The following SPACA7 variants were observed in gnomAD, a reference collection of about 807,000 sequenced individuals.
SPACA7 encodes the protein sperm acrosome associated 7, also known as sperm acrosome-associated protein 7.
Under a neutral mutation model 26.3 loss-of-function variants are expected in SPACA7, and 19 were observed. The observed-to-expected ratio is 0.72, with a 90% CI of 0.50 to 1.06. The LOEUF is 1.06. Ranked by LOEUF, SPACA7 falls within the 50% of genes least tolerant of loss-of-function variation. The pLI is 0.00. For synonymous variants in SPACA7, 84 were observed against 84.5 expected (o/e 0.99, Z 0.04); for missense variants, 211 against 229.9 (o/e 0.92, Z 0.53).
chr13:112,408,442 G>A (rs965123560), intron 5 of SPACA7, among the ~76,000 whole-genome samples: 2 of 152,050 alleles, frequency 1.3e-5, no homozygotes, highest in Non-Finnish European at 2.9e-5. Flanking sequence ...CCTGTTTGCA[G>A]ATGACATGAT....
chr13:112,404,978 C>CTTTT (rs373253878), intron 5 of SPACA7, among the ~76,000 whole-genome samples: 50 of 94,208 alleles, frequency 5.3e-4, no homozygotes, highest in East Asian at 1.5e-3. Context: ...GTATTCTCTT[C>CTTTT]TTTTTTTTTT....
At chr13:112,383,401 T>C (rs553553294) in intron 1 of SPACA7, among the ~76,000 whole-genome samples, 11 of 152,180 alleles carry the variant, frequency 7.2e-5, no homozygotes, top group African/African-American at 2.4e-4. Context: ...GAAAAACAAA[T>C]CATGATAGAA....
chr13:112,429,494 G>T (rs1043781320), intron 5 of SPACA7, among the ~76,000 whole-genome samples: 1 of 151,836 alleles, frequency 6.6e-6, no homozygotes, highest in East Asian at 1.9e-4. Flanking sequence ...GTATTAGCAT[G>T]TCTTATCTTT....
At chr13:112,402,100 A>G (rs1885685740) in intron 5 of SPACA7, among the ~76,000 whole-genome samples, 1 of 151,942 alleles carries the variant, frequency 6.6e-6, no homozygotes, top group South Asian at 2.1e-4. Context: ...TTTTATTGGG[A>G]TTGCTTTACA....
At position 112,434,507 on chromosome 13, in the gene SPACA7, G is replaced by C. The variant is rs148843465; in HGVS notation, c.546G>C (p.Gln182His). The C allele has an allele frequency of 5.0e-6, 8 of 1,610,754 alleles. No homozygotes were observed. In the African/African-American group the frequency reaches 1.1e-4, roughly 22 times the overall value. Residue 182 changes from glutamine (Q) to histidine (H), a missense_variant, in exon 7 of 7, where the codon CAG becomes CAC. Physicochemically the swap from Gln to His is conservative, Grantham distance 24. Transcript: ENST00000283550. ...RSSGNIFHKE[Q>H]QRTSAQRRSQ... ...CAGGAAACATTTTCCATAAAGAGCA[G>C]CAGAGGACCAGCGCACAGAGGAGGA...
intron 1 of SPACA7, among the ~76,000 whole-genome samples, chr13:112,377,491 G>A (rs531876615): frequency 1.2e-4 from 19 of 152,126 alleles, no homozygotes; most frequent in South Asian, 8.3e-4. Context: ...TATTGTGTTC[G>A]GCCAAACAGG....
chr13:112,402,235 T>C (rs1885693308), intron 5 of SPACA7, among the ~76,000 whole-genome samples: 1 of 152,226 alleles, frequency 6.6e-6, no homozygotes, highest in Admixed American at 6.5e-5. Context: ...TTTTAAGTCT[T>C]CCTTGTATAG....
intron 5 of SPACA7, among the ~76,000 whole-genome samples, chr13:112,428,566 C>G (rs192975668): frequency 6.6e-6 from 1 of 151,586 alleles, no homozygotes; most frequent in African/African-American, 2.4e-5. Context: ...GGTGACAAAG[C>G]GAGACTCTAT....
intron 5 of SPACA7, among the ~76,000 whole-genome samples, chr13:112,405,747 G>A (rs1885949091): frequency 6.6e-6 from 1 of 152,104 alleles, no homozygotes; most frequent in Non-Finnish European, 1.5e-5. Flanking sequence ...CTTTTGTTAA[G>A]AATAGTGTAA....
At chr13:112,411,615 T>C (rs1886356810) in intron 5 of SPACA7, among the ~76,000 whole-genome samples, 1 of 152,148 alleles carries the variant, frequency 6.6e-6, no homozygotes, top group Non-Finnish European at 1.5e-5. Context: ...CTTCCCAGCC[T>C]CTGGTAACCA....
chr13:112,432,848 G>A (rs1049046945), intron 6 of SPACA7, among the ~76,000 whole-genome samples: 9 of 152,194 alleles, frequency 5.9e-5, no homozygotes, highest in African/African-American at 1.2e-4. Flanking sequence ...TCTCAACCAC[G>A]TGATGACGGG....
chr13:112,430,874 A>G (rs546858508), intron 5 of SPACA7, among the ~76,000 whole-genome samples: 71 of 152,380 alleles, frequency 4.7e-4, no homozygotes, highest in African/African-American at 1.7e-3. Flanking sequence ...GATGAATTAC[A>G]TATGTTTCCA....
At chr13:112,407,592 C>T (rs1886070530) in intron 5 of SPACA7, among the ~76,000 whole-genome samples, 1 of 152,142 alleles carries the variant, frequency 6.6e-6, no homozygotes, top group Non-Finnish European at 1.5e-5. Context: ...CTAAACACCT[C>T]TACGCAAATA....
intron 3 of SPACA7, among the ~76,000 whole-genome samples, chr13:112,398,436 C>T (rs1420292146): frequency 6.6e-6 from 1 of 152,084 alleles, no homozygotes; most frequent in Non-Finnish European, 1.5e-5. Context: ...GGCACAAGAA[C>T]CTGAGAACCC....
intron 3 of SPACA7, among the ~76,000 whole-genome samples, chr13:112,398,482 C>T (rs570715305): frequency 9.4e-4 from 143 of 152,224 alleles, no homozygotes; most frequent in African/African-American, 2.1e-3. Flanking sequence ...CTCCCACACA[C>T]GCCCATGCTC....
intron 1 of SPACA7, among the ~76,000 whole-genome samples, chr13:112,386,799 T>A (rs1884556347): frequency 1.3e-5 from 2 of 152,250 alleles, no homozygotes; most frequent in South Asian, 4.1e-4. Context: ...TTCAAATCTC[T>A]TATTACCTGA....
chr13:112,422,836 T>C (rs910113455), intron 5 of SPACA7, among the ~76,000 whole-genome samples: 1 of 152,222 alleles, frequency 6.6e-6, no homozygotes, highest in African/African-American at 2.4e-5. Flanking sequence ...TCTGACTGAT[T>C]TTCAGTGTGA....
intron 5 of SPACA7, among the ~76,000 whole-genome samples, chr13:112,408,857 AAAACTACTTT>A (rs1234166270): frequency 1.3e-5 from 2 of 152,168 alleles, no homozygotes; most frequent in African/African-American, 4.8e-5. Flanking sequence ...AGAATTGGAA[AAAACTACTTT>A]AAAGTTCATA....
intron 2 of SPACA7, among the ~76,000 whole-genome samples, chr13:112,396,731 C>T (rs1378090733): frequency 6.6e-6 from 1 of 152,210 alleles, no homozygotes; most frequent in Non-Finnish European, 1.5e-5. Context: ...GCGCCCAGCC[C>T]CTTGGCTGGG....
Sources: allele counts gnomAD v4.1 joint callset (sites outside exome capture counted in the v4.1 genomes callset), GRCh38; gene constraint gnomAD v4.1.1; transcripts MANE v1.5; gene names NCBI Gene and HGNC (gene_info 2026-07-23, HGNC 2026-07-21).